B4GALNT3: variants seen among roughly 807,000 people sequenced by gnomAD.
B4GALNT3 encodes beta-1,4-N-acetyl-galactosaminyltransferase 3.
Under a neutral mutation model 120.2 loss-of-function variants are expected in B4GALNT3, and 86 were observed. The observed-to-expected ratio is 0.72, with a 90% confidence interval of 0.60 to 0.86. B4GALNT3 has a LOEUF of 0.86. Ranked by LOEUF, B4GALNT3 falls within the 40% of genes least tolerant of loss-of-function variation. The pLI, the probability that B4GALNT3 is intolerant of heterozygous loss-of-function variation, is 0.00. For missense variants in B4GALNT3, 1,167 were observed against 1,298.9 expected (o/e 0.90, Z 1.56); for synonymous variants, 518 against 510.4 (o/e 1.01, Z -0.20).
intron 1 of B4GALNT3, among the ~76,000 whole-genome samples, chr12:483,175 G>T (rs745900516): frequency 2.0e-5 from 3 of 152,114 alleles, no homozygotes; most frequent in Non-Finnish European, 4.4e-5. Context: ...CTCCCAAAGT[G>T]CTGGGATTAT....
At chr12:510,854 G>A (rs2120571385) in intron 1 of B4GALNT3, among the ~76,000 whole-genome samples, 1 of 151,962 alleles carries the variant, frequency 6.6e-6, no homozygotes, top group East Asian at 1.9e-4. Context: ...ACTGGTGCTG[G>A]TATATCCACA....
chr12:505,243 A>G (rs911877256), intron 1 of B4GALNT3, among the ~76,000 whole-genome samples: 1 of 152,202 alleles, frequency 6.6e-6, no homozygotes, highest in Non-Finnish European at 1.5e-5. Context: ...TGAATTAATT[A>G]GTTATTTGGT....
chr12:520,408 A>G (rs1045091562), intron 1 of B4GALNT3, among the ~76,000 whole-genome samples: 2 of 152,236 alleles, frequency 1.3e-5, no homozygotes, highest in Admixed American at 6.5e-5. Context: ...TTCTATTGCC[A>G]TAGCCAGACC....
intron 1 of B4GALNT3, among the ~76,000 whole-genome samples, chr12:482,691 G>A (rs1029604153): frequency 5.9e-5 from 9 of 152,098 alleles, no homozygotes; most frequent in Non-Finnish European, 8.8e-5. Context: ...GCTTCAAAAC[G>A]TGTCTGTTTC....
chr12:519,613 T>TTTC (rs1555156017), intron 1 of B4GALNT3, among the ~76,000 whole-genome samples: 2 of 149,312 alleles, frequency 1.3e-5, no homozygotes. Flanking sequence ...TTTTTTTTTT[T>TTTC]CCGGTAAGGA....
intron 1 of B4GALNT3, among the ~76,000 whole-genome samples, chr12:532,351 A>G (rs148501057): frequency 5.2e-4 from 79 of 152,322 alleles, no homozygotes; most frequent in African/African-American, 1.7e-3. Context: ...TTTGTCACTG[A>G]GAGAGCTGCC....
chr12:461,104 C>G (rs1051746833), intron 1 of B4GALNT3, among the ~76,000 whole-genome samples: 2 of 152,152 alleles, frequency 1.3e-5, no homozygotes, highest in African/African-American at 4.8e-5. Flanking sequence ...GTCTCTTCCC[C>G]GCTTCCCATA....
In B4GALNT3 at chr12:548,381, G is replaced by C. The variant is rs896474978; in HGVS notation, c.853+84G>C. ...GGGGATTTGGCAGGGGAGGAGGGGA[G>C]GAGGGGAGGAAGGAAGCTCGAGATG... is the stretch of plus-strand genomic sequence containing the variant. On this transcript the variant is annotated intron_variant, in intron 9 of 19. Transcript: ENST00000266383. The surrounding 1 kb of genome is among the most constrained non-coding windows in gnomAD (Gnocchi z 4.9). 6 of 1,365,068 alleles carry C rather than the reference G, an allele frequency of 4.4e-6. No homozygotes were observed. Among genetic ancestry groups the C allele is most frequent in the Admixed American group, 1.7e-5 (1 of 57,234 alleles). The allele number at this position is 1,365,068 out of a possible 1,614,324, so 84.6% of individuals were successfully genotyped here.
At chr12:540,316 A>G (rs1946901527) in intron 3 of B4GALNT3, 1 of 152,340 alleles carries the variant, frequency 6.6e-6, no homozygotes, top group Non-Finnish European at 1.5e-5. Context: ...GGTACAGTGC[A>G]GACACTCAGT....
chr12:551,218 G>A (rs1947078900), intron 11 of B4GALNT3, among the ~76,000 whole-genome samples, 187 bp downstream of exon 11: 2 of 152,242 alleles, frequency 1.3e-5, no homozygotes, highest in South Asian at 4.1e-4. Context: ...TGAATAGACT[G>A]TCCAGCAGAG....
rs1167700533 is a variant in B4GALNT3 at position 549,756 on chromosome 12, T to A, written c.854-13T>A. 1 of 1,613,504 alleles carries A rather than the reference T, an allele frequency of 6.2e-7. No homozygotes were observed. The highest frequency in any genetic ancestry group is 8.5e-7 in the Non-Finnish European group (1 of 1,179,994). ...CCACACAGCCTCCTGCTTTCTTTCCTCCCTGCGCCCAGATGAGACGTTCCT... is the reference window on the plus strand; with the variant it reads ...CCACACAGCCTCCTGCTTTCTTTCCACCCTGCGCCCAGATGAGACGTTCCT... On this transcript the variant is annotated splice_polypyrimidine_tract_variant and intron_variant, in intron 9 of 19. Transcript: ENST00000266383.
intron 19 of B4GALNT3, 123 bp downstream of exon 19, chr12:559,544 C>G: frequency 7.1e-7 from 1 of 1,401,060 alleles, no homozygotes; most frequent in Non-Finnish European, 9.7e-7. Flanking sequence ...CAGTAAAGAG[C>G]ACTGGACTCG....
intron 19 of B4GALNT3, 72 bp downstream of exon 19, chr12:559,493 A>C: frequency 6.3e-7 from 1 of 1,590,900 alleles, no homozygotes; most frequent in Non-Finnish European, 8.6e-7. Flanking sequence ...GCCAGGCTAC[A>C]GCAGCCTAGC....
At chr12:546,895 G>A (rs1947014586) in intron 7 of B4GALNT3, 182 bp downstream of exon 7, 1 of 617,578 alleles carries the variant, frequency 1.6e-6, no homozygotes, top group Non-Finnish European at 2.8e-6. Context: ...TTTCACAGAT[G>A]GGGAAACTGA....
At chr12:496,904 G>T (rs907443451) in intron 1 of B4GALNT3, among the ~76,000 whole-genome samples, 15 of 141,642 alleles carry the variant, frequency 1.1e-4, no homozygotes, top group African/African-American at 3.6e-4. Flanking sequence ...TAGAGACAGG[G>T]TCTTGCTCTG....
intron 1 of B4GALNT3, among the ~76,000 whole-genome samples, chr12:463,066 C>T (rs1036007843): frequency 6.6e-6 from 1 of 152,194 alleles, no homozygotes; most frequent in Non-Finnish European, 1.5e-5. Context: ...AGCTTGTTGG[C>T]TCTGCTTTCC....
intron 1 of B4GALNT3, among the ~76,000 whole-genome samples, chr12:518,699 C>G (rs923235907): frequency 2.0e-5 from 3 of 152,184 alleles, no homozygotes; most frequent in Non-Finnish European, 2.9e-5. Context: ...TGTGCCCAGC[C>G]CCTCCCATAT....
At chr12:547,971 ACCCCAGGGC>A (rs1947029170) in intron 7 of B4GALNT3, 44 bp from the exon 8 acceptor site, 2 of 1,515,872 alleles carry the variant, frequency 1.3e-6, no homozygotes, top group Non-Finnish European at 9.2e-7. Flanking sequence ...CAGAGCCGCG[ACCCCAGGGC>A]CCATGGAGAT....
At chr12:486,857 A>G (rs1946295428) in intron 1 of B4GALNT3, among the ~76,000 whole-genome samples, 1 of 152,260 alleles carries the variant, frequency 6.6e-6, no homozygotes, top group Non-Finnish European at 1.5e-5. Context: ...AATTAGAACC[A>G]GAGTAGGTAT....
Sources: allele counts gnomAD v4.1 joint callset (sites outside exome capture counted in the v4.1 genomes callset), GRCh38; gene constraint gnomAD v4.1.1; non-coding constraint Gnocchi (gnomAD v3.1); transcripts MANE v1.5; gene names NCBI Gene and HGNC (gene_info 2026-07-23, HGNC 2026-07-21).